Variants in PCNX1 observed in about 807,000 individuals in gnomAD.
The protein encoded by PCNX1 is pecanex 1.
In PCNX1, 78 loss-of-function variants were observed where a neutral mutation model predicts 242.2. That is an observed-to-expected ratio of 0.32 (90% CI 0.27 to 0.39). PCNX1 has a LOEUF of 0.39. PCNX1 is among the 10% of genes least tolerant of loss of function. The pLI is 1.00. For missense variants in PCNX1, 2,581 were observed against 2,856.5 expected (o/e 0.90, Z 2.20); for synonymous variants, 1,024 against 1,032.9 (o/e 0.99, Z 0.17).
chr14:71,009,506 T>TA (rs200194140), intron 8 of PCNX1, 128 bp from the exon 9 acceptor site: 2 of 468,982 alleles, frequency 4.3e-6, no homozygotes, highest in African/African-American at 2.0e-5. Context: ...ATCATTGTTT[T>TA]AAAAAAATTT....
chr14:71,009,837 T>A, intron 9 of PCNX1, 113 bp downstream of exon 9: 1 of 483,122 alleles, frequency 2.1e-6, no homozygotes, highest in Non-Finnish European at 3.6e-6. Context: ...AATTTAATGT[T>A]GTTAATTGAC....
At chr14:70,952,502 T>A (rs1450113156) in intron 2 of PCNX1, among the ~76,000 whole-genome samples, 2 of 152,214 alleles carry the variant, frequency 1.3e-5, no homozygotes, top group African/African-American at 4.8e-5. Flanking sequence ...TTCGTAGATA[T>A]TCCTGAATAT....
chr14:70,933,716 GAGA>G (rs2056890278), intron 1 of PCNX1, among the ~76,000 whole-genome samples: 1 of 152,198 alleles, frequency 6.6e-6, no homozygotes, highest in African/African-American at 2.4e-5. Flanking sequence ...TCTTGAAAAT[GAGA>G]AGAATAATAG....
intron 19 of PCNX1, among the ~76,000 whole-genome samples, chr14:71,039,312 A>G (rs1232579673): frequency 3.3e-5 from 5 of 152,088 alleles, no homozygotes; most frequent in African/African-American, 7.2e-5. Flanking sequence ...GCTTTGCTGG[A>G]TGCTTCTAGC....
chr14:70,974,260 T>C (rs561107180), intron 5 of PCNX1, among the ~76,000 whole-genome samples: 351 of 150,216 alleles, frequency 2.3e-3, no homozygotes, highest in African/African-American at 8.3e-3. Flanking sequence ...TTTTTTTTTT[T>C]TGAGAGGGAG....
Position 70,928,595 on chromosome 14 carries a change from G to C in PCNX1, c.154-18320G>C, listed in dbSNP as rs909845305. On this transcript the variant is annotated intron_variant, in intron 1 of 35. Coordinates refer to ENST00000304743, the MANE Select transcript of PCNX1 (RefSeq NM_014982.3). ...GAAATATTAATGAAGATAGTTCTTA[G>C]TGTAGGGCACCTTTTCCTTTTTCCA... Among the ~76,000 whole-genome samples, 45 of 152,224 alleles carry C rather than the reference G, an allele frequency of 3.0e-4. 1 individual carries two copies. The highest frequency in any genetic ancestry group is 5.1e-4 in the Non-Finnish European group (35 of 68,026).
intron 19 of PCNX1, among the ~76,000 whole-genome samples, chr14:71,042,516 G>A (rs1396792272): frequency 6.6e-6 from 1 of 151,786 alleles, no homozygotes; most frequent in East Asian, 1.9e-4. Flanking sequence ...TGTATGCCTG[G>A]AATATATTTT....
chr14:71,114,408 G>GAGTA lies in PCNX1; in HGVS notation c.*4477_*4480dup, dbSNP rs561495167. 54 of 152,306 alleles carry GAGTA rather than the reference G, an allele frequency of 3.5e-4. No individual in the cohort carries two copies. Among genetic ancestry groups the GAGTA allele is most frequent in the African/African-American group, 1.3e-3 (53 of 41,562 alleles). The allele number at this position is 152,306 out of a possible 1,614,324, so 9.4% of individuals were successfully genotyped here. A position where few individuals can be genotyped will look rare whatever the true frequency, so the allele number is the denominator to read the frequency against. The stretch of plus-strand genomic sequence containing the variant: ...AAATAAATCTGGTAGGATATGAGTG[G>GAGTA]AGTAAGTTTGCTTGAAACAGAAGTA... On this transcript the variant is annotated 3_prime_UTR_variant, in exon 36 of 36. Transcript: ENST00000304743.
intron 1 of PCNX1, among the ~76,000 whole-genome samples, chr14:70,917,514 G>T (rs1033873122): frequency 2.6e-5 from 4 of 152,276 alleles, no homozygotes; most frequent in Admixed American, 6.5e-5. Context: ...ACCATGTCAA[G>T]GAGCAGTAGT....
intron 3 of PCNX1, among the ~76,000 whole-genome samples, chr14:70,963,287 A>T (rs2058277250): frequency 6.6e-6 from 1 of 152,188 alleles, no homozygotes; most frequent in Admixed American, 6.5e-5. Context: ...GCAGATGAGT[A>T]CTTATTTATA....
Position 71,109,936 on chromosome 14 carries a change from G to C in PCNX1, c.*1G>C. ...ACTAGAACTTGGGGCTGAAGTGTGA[G>C]CCAGTGTTTATTATAAAGACATTTC... On this transcript the variant is annotated 3_prime_UTR_variant, in exon 36 of 36. Transcript: ENST00000304743. 3.7e-6 allele frequency: 6 copies of C among 1,612,788 alleles called. No individual in the cohort carries two copies. The highest frequency in any genetic ancestry group is 5.1e-6 in the Non-Finnish European group (6 of 1,178,888).
Position 71,004,049 on chromosome 14 carries a change from A to G in PCNX1, c.2630-5585A>G, listed in dbSNP as rs189767420. 2.2e-3 allele frequency among the ~76,000 whole-genome samples: 337 copies of G among 152,360 alleles called. 2 individuals are homozygous for G. Among genetic ancestry groups the G allele is most frequent in the African/African-American group, 7.8e-3 (325 of 41,592 alleles). On this transcript the variant is annotated intron_variant, in intron 8 of 35. Transcript: ENST00000304743. ...GGTCTAGGACAGGTGTTAGTAAACC[A>G]CCGCCTGTGGGCTAAGTCCAGCTCT...
intron 24 of PCNX1, among the ~76,000 whole-genome samples, chr14:71,054,020 G>A (rs1025898610): frequency 3.9e-5 from 6 of 152,178 alleles, no homozygotes; most frequent in Non-Finnish European, 8.8e-5. Context: ...CTGATCTGAA[G>A]TGATTTGCCT....
At chr14:70,989,534 A>ATTTTTT (rs34767376) in intron 7 of PCNX1, among the ~76,000 whole-genome samples, 3 of 126,364 alleles carry the variant, frequency 2.4e-5, no homozygotes, top group Non-Finnish European at 4.8e-5. Context: ...ACAGATATAA[A>ATTTTTT]TTTTTTTTTT....
At chr14:71,079,313 CA>C (rs1401296193) in intron 28 of PCNX1, among the ~76,000 whole-genome samples, 1 of 152,134 alleles carries the variant, frequency 6.6e-6, no homozygotes, top group Non-Finnish European at 1.5e-5. Flanking sequence ...TATACATGTG[CA>C]TGTGTCTTTA....
In PCNX1 at chr14:71,114,172, C is replaced by G. The variant is rs1400979137; in HGVS notation, c.*4237C>G. The G allele has an allele frequency of 6.6e-6, 1 of 152,184 alleles. No homozygotes were observed. The highest frequency in any genetic ancestry group is 1.5e-5 in the Non-Finnish European group (1 of 68,038). 9.4% of individuals were successfully genotyped at this position (152,184 alleles called of 1,614,324 possible). A position where few individuals can be genotyped will look rare whatever the true frequency, so the allele number is the denominator to read the frequency against. ...TGTTGAGGAAGAAAAAAATTAGATA[C>G]TACCATGCATTGGGACAGCATAATT... On this transcript the variant is annotated 3_prime_UTR_variant, in exon 36 of 36. Coordinates refer to ENST00000304743, the MANE Select transcript of PCNX1 (RefSeq NM_014982.3).
At chr14:70,933,292 G>C (rs35806656) in intron 1 of PCNX1, among the ~76,000 whole-genome samples, 10,515 of 152,212 alleles carry the variant, frequency 0.069, 481 homozygotes, top group East Asian at 0.27. Flanking sequence ...AAGGAGAAGA[G>C]CTTGATGACC....
intron 30 of PCNX1, among the ~76,000 whole-genome samples, chr14:71,098,927 T>C (rs982465228): frequency 6.6e-6 from 1 of 152,186 alleles, no homozygotes; most frequent in Non-Finnish European, 1.5e-5. Context: ...GTATGAGGGC[T>C]GTGGGTTTGT....
At chr14:71,026,913 A>G (rs752900130) in intron 15 of PCNX1, 31 bp downstream of exon 15, 7 of 922,552 alleles carry the variant, frequency 7.6e-6, no homozygotes, top group Admixed American at 5.3e-5. Flanking sequence ...ATTATAGATT[A>G]CAGTATTACC....
Sources: gnomAD v4.1 joint callset for allele counts (sites outside exome capture counted in the v4.1 genomes callset) on GRCh38, gnomAD v4.1.1 for gene constraint, MANE v1.5 for transcripts, NCBI Gene and HGNC (gene_info 2026-07-23, HGNC 2026-07-21) for gene names.